ADAMTS19: variants seen among roughly 807,000 people sequenced by gnomAD.
The protein encoded by ADAMTS19 is A disintegrin and metalloproteinase with thrombospondin motifs 19.
ADAMTS19 carries 93 observed loss-of-function variants against 153.3 expected under a neutral mutation model. The observed-to-expected ratio is 0.61, with a 90% CI of 0.51 to 0.72. The LOEUF (loss-of-function observed/expected upper bound fraction) is 0.72. Among genes scored for constraint, ADAMTS19 ranks in the 30% least tolerant of loss-of-function variants. The pLI is 0.00. For missense variants in ADAMTS19, 1,482 were observed against 1,552.1 expected, an observed-to-expected ratio of 0.95 and a Z score of 0.76; for synonymous variants, 600 against 556.6, an observed-to-expected ratio of 1.08 and a Z score of -1.10.
intron 16 of ADAMTS19, among the ~76,000 whole-genome samples, chr5:129,674,562 TA>T (rs200312436): frequency 2.6e-3 from 403 of 152,314 alleles, no homozygotes; most frequent in African/African-American, 9.2e-3. Context: ...ATTCTTGCTT[TA>T]TATTTTTAAT....
chr5:129,694,743 T>C lies in ADAMTS19; in HGVS notation c.2842T>C (p.Cys948Arg). ...GGGERKTTVSCTKIMSKNISI... is the reference protein window; with the variant it reads ...GGGERKTTVSRTKIMSKNISI... ...AGGAGAAAGGAAGACAACAGTGTCCTGCACAAAAATCATGAGCAAAAATAT... is the reference window on the plus strand; with the variant it reads ...AGGAGAAAGGAAGACAACAGTGTCCCGCACAAAAATCATGAGCAAAAATAT... Residue 948 changes from cysteine (C) to arginine (R), a missense_variant, in exon 19 of 23, where the codon TGC (cysteine) becomes CGC (arginine). This residue lies in a region of ADAMTS19 where 616 missense variants were observed against 724.4 expected (regional missense o/e 0.85). Coordinates refer to ENST00000274487, the MANE Select transcript of ADAMTS19 (RefSeq NM_133638.6). 6.2e-7 allele frequency: 1 copy of C among 1,604,450 alleles called. No homozygotes were observed. Among genetic ancestry groups the C allele is most frequent in the Non-Finnish European group, 8.5e-7 (1 of 1,175,184 alleles).
intron 10 of ADAMTS19, among the ~76,000 whole-genome samples, chr5:129,628,681 A>C (rs1011491195): frequency 3.3e-5 from 5 of 152,150 alleles, no homozygotes; most frequent in Non-Finnish European, 5.9e-5. Context: ...ATGACATTTC[A>C]GTCAATGGAC....
intron 21 of ADAMTS19, among the ~76,000 whole-genome samples, chr5:129,730,263 C>T (rs2127217822): frequency 6.6e-6 from 1 of 152,120 alleles, no homozygotes; most frequent in African/African-American, 2.4e-5. Flanking sequence ...ATATTCAAAT[C>T]CTGTAGAAGT....
chr5:129,536,504 C>G (rs181458741), intron 6 of ADAMTS19, among the ~76,000 whole-genome samples: 1 of 152,114 alleles, frequency 6.6e-6, no homozygotes, highest in Non-Finnish European at 1.5e-5. Flanking sequence ...GTCAGTGTGG[C>G]GATTCCTCAG....
At chr5:129,665,825 T>TA (rs746067319) in intron 16 of ADAMTS19, among the ~76,000 whole-genome samples, 5 of 150,586 alleles carry the variant, frequency 3.3e-5, no homozygotes, top group African/African-American at 7.3e-5. Context: ...TAGTCCAAGA[T>TA]AAAAAAACAA....
intron 21 of ADAMTS19, among the ~76,000 whole-genome samples, chr5:129,721,276 A>C (rs1365183548): frequency 2.0e-5 from 3 of 152,202 alleles, no homozygotes; most frequent in Non-Finnish European, 1.5e-5. Flanking sequence ...TAAAAGGAAC[A>C]TTTCTATATA....
chr5:129,673,312 A>G (rs1385589158), intron 16 of ADAMTS19, among the ~76,000 whole-genome samples: 5 of 152,182 alleles, frequency 3.3e-5, no homozygotes, highest in Admixed American at 3.3e-4. Context: ...ATTTAAAGCT[A>G]TAGGATTCCC....
intron 7 of ADAMTS19, among the ~76,000 whole-genome samples, chr5:129,577,439 T>C (rs1749193203): frequency 6.6e-6 from 1 of 152,004 alleles, no homozygotes; most frequent in Non-Finnish European, 1.5e-5. Context: ...ATAGAAAAAA[T>C]AGCCCATACA....
At chr5:129,711,930 T>G (rs1224884972) in intron 21 of ADAMTS19, among the ~76,000 whole-genome samples, 2 of 151,978 alleles carry the variant, frequency 1.3e-5, no homozygotes, top group Non-Finnish European at 2.9e-5. Flanking sequence ...ACATAGCTAA[T>G]TTGTTATTTA....
At chr5:129,566,450 G>A (rs566833427) in intron 7 of ADAMTS19, among the ~76,000 whole-genome samples, 12 of 152,276 alleles carry the variant, frequency 7.9e-5, no homozygotes, top group Admixed American at 2.6e-4. Context: ...TTGAGAGAAT[G>A]GAACACCTGT....
intron 10 of ADAMTS19, among the ~76,000 whole-genome samples, chr5:129,624,126 CAAAAAAAAAAAAA>C (rs765901844): frequency 1.1e-4 from 3 of 26,814 alleles, no homozygotes; most frequent in Non-Finnish European, 1.4e-4. Context: ...GGCTCAGTCT[CAAAAAAAAAAAAA>C]AAAAAAAAAA....
chr5:129,722,690 T>G (rs894617275), intron 21 of ADAMTS19, among the ~76,000 whole-genome samples: 1 of 152,216 alleles, frequency 6.6e-6, no homozygotes, highest in Admixed American at 6.5e-5. Context: ...TCCTGAATGA[T>G]ATTGCCTAGA....
chr5:129,542,375 G>A (rs966024810), intron 6 of ADAMTS19, among the ~76,000 whole-genome samples: 7 of 152,164 alleles, frequency 4.6e-5, no homozygotes, highest in African/African-American at 1.7e-4. Flanking sequence ...GCAATAGAAG[G>A]TGATTTCCCA....
intron 21 of ADAMTS19, among the ~76,000 whole-genome samples, chr5:129,728,188 G>A (rs561768702): frequency 6.6e-6 from 1 of 152,090 alleles, no homozygotes; most frequent in South Asian, 2.1e-4. Flanking sequence ...ACCCTATGTG[G>A]TTTAAAAAGG....
At chr5:129,690,805 T>C (rs549133260) in intron 18 of ADAMTS19, among the ~76,000 whole-genome samples, 2 of 151,974 alleles carry the variant, frequency 1.3e-5, no homozygotes, top group African/African-American at 4.8e-5. Flanking sequence ...AATTAATAAG[T>C]AGAAATTTTA....
intron 8 of ADAMTS19, among the ~76,000 whole-genome samples, chr5:129,617,353 T>A (rs888318614): frequency 6.6e-6 from 1 of 151,996 alleles, no homozygotes; most frequent in Non-Finnish European, 1.5e-5. Context: ...AAAAGGAAAA[T>A]GATTATCTGG....
Position 129,534,917 on chromosome 5 carries a change from G to A in ADAMTS19, c.1328+6240G>A, listed in dbSNP as rs118093719. Among the ~76,000 whole-genome samples the A allele has an allele frequency of 3.8e-4, 58 of 152,146 alleles. 1 individual carries two copies. Among genetic ancestry groups the A allele is most frequent in the East Asian group, 1.2e-3 (6 of 5,182 alleles). ...TTAATAAATTAGCTATTGATGGGGC[G>A]TATATCAAAATAATAAGAGACAAAT... On this transcript the variant is annotated intron_variant, in intron 6 of 22. Transcript: ENST00000274487.
At chr5:129,702,941 A>AAT (rs59614056) in intron 20 of ADAMTS19, among the ~76,000 whole-genome samples, 528 of 29,224 alleles carry the variant, frequency 0.018, 9 homozygotes, top group South Asian at 0.041. Context: ...AAAAAAAAAA[A>AAT]ATATATATAT....
At chr5:129,673,770 T>G (rs1380261422) in intron 16 of ADAMTS19, among the ~76,000 whole-genome samples, 1 of 152,238 alleles carries the variant, frequency 6.6e-6, no homozygotes, top group Non-Finnish European at 1.5e-5. Context: ...TTTTGCTTCA[T>G]GCATTTTGAT....
Sources: allele counts gnomAD v4.1 joint callset (sites outside exome capture counted in the v4.1 genomes callset), GRCh38; gene constraint gnomAD v4.1.1; regional missense constraint gnomAD v4.1.1; transcripts MANE v1.5; gene names NCBI Gene and HGNC (gene_info 2026-07-23, HGNC 2026-07-21).